Variants in VMP1 observed in about 807,000 individuals in gnomAD.
VMP1 encodes the protein ectopic P-granules autophagy protein 3 homolog.
VMP1 carries 11 observed loss-of-function variants against 56.0 expected under a neutral mutation model. The observed-to-expected ratio is 0.20, with a 90% CI of 0.12 to 0.32. The LOEUF (loss-of-function observed/expected upper bound fraction) is 0.32. Among genes scored for constraint, VMP1 ranks in the 10% least tolerant of loss-of-function variants. VMP1 has a pLI of 1.00. For missense variants in VMP1, 296 were observed against 490.3 expected, an observed-to-expected ratio of 0.60 and a Z score of 3.74; for synonymous variants, 149 against 165.0, an observed-to-expected ratio of 0.90 and a Z score of 0.74.
intron 1 of VMP1, among the ~76,000 whole-genome samples, chr17:59,716,563 C>T (rs553468679): frequency 6.6e-6 from 1 of 152,218 alleles, no homozygotes; most frequent in South Asian, 2.1e-4. Context: ...CTTGGAAAAG[C>T]GAGGTTGAAC....
intron 7 of VMP1, 103 bp downstream of exon 7, chr17:59,773,988 TAA>T (rs199776106): frequency 0.049 from 38,512 of 792,828 alleles, no homozygotes; most frequent in East Asian, 0.066. Flanking sequence ...ACTGCTAAAG[TAA>T]AAAAAAAAAA....
At chr17:59,813,315 C>T (rs2038117128) in intron 9 of VMP1, among the ~76,000 whole-genome samples, 1 of 152,146 alleles carries the variant, frequency 6.6e-6, no homozygotes, top group Non-Finnish European at 1.5e-5. Flanking sequence ...CGGTGGCTCA[C>T]ACCTGTAATC....
intron 7 of VMP1, among the ~76,000 whole-genome samples, chr17:59,774,514 T>G (rs1568123069): frequency 6.6e-6 from 1 of 152,202 alleles, no homozygotes; most frequent in Non-Finnish European, 1.5e-5. Context: ...GTATTCCACA[T>G]AGTGTGCAGA....
At chr17:59,755,232 C>T (rs904286565) in intron 5 of VMP1, among the ~76,000 whole-genome samples, 4 of 151,802 alleles carry the variant, frequency 2.6e-5, no homozygotes, top group African/African-American at 7.3e-5. Flanking sequence ...CTCACCCTCC[C>T]GAATAGTTGG....
At chr17:59,825,014 A>G (rs2038595924) in intron 10 of VMP1, among the ~76,000 whole-genome samples, 1 of 151,620 alleles carries the variant, frequency 6.6e-6, no homozygotes, top group South Asian at 2.1e-4. Context: ...CGAGACCCAA[A>G]GTCAGGTGAT....
chr17:59,742,955 A>G (rs1369237657), intron 5 of VMP1, among the ~76,000 whole-genome samples: 1 of 152,146 alleles, frequency 6.6e-6, no homozygotes, highest in Non-Finnish European at 1.5e-5. Context: ...GGTCTGTGGA[A>G]AACTTGTCTT....
chr17:59,752,344 A>C (rs1003265218), intron 5 of VMP1, among the ~76,000 whole-genome samples: 1 of 152,238 alleles, frequency 6.6e-6, no homozygotes, highest in Non-Finnish European at 1.5e-5. Flanking sequence ...ATTGAATGAC[A>C]GTAGTACACC....
chr17:59,832,662 C>CA (rs2038850620), intron 10 of VMP1, among the ~76,000 whole-genome samples: 4 of 151,698 alleles, frequency 2.6e-5, no homozygotes, highest in Admixed American at 2.6e-4. Context: ...GGCACAATCT[C>CA]GGCTCACTGC....
intron 8 of VMP1, among the ~76,000 whole-genome samples, chr17:59,810,083 A>G (rs1411448155): frequency 6.6e-6 from 1 of 152,198 alleles, no homozygotes; most frequent in Non-Finnish European, 1.5e-5. Flanking sequence ...GGAAGAATTT[A>G]TATAAAACCT....
chr17:59,822,084 C>T (rs753682303), intron 10 of VMP1, among the ~76,000 whole-genome samples: 7 of 151,978 alleles, frequency 4.6e-5, no homozygotes, highest in Non-Finnish European at 1.0e-4. Context: ...TCAGGTGGTC[C>T]GCCCACCTCA....
chr17:59,728,722 A>T (rs2034703327), intron 1 of VMP1, among the ~76,000 whole-genome samples: 1 of 152,112 alleles, frequency 6.6e-6, no homozygotes. Flanking sequence ...CTATGAATAT[A>T]TTATTCATAT....
chr17:59,804,567 A>G (rs1326699260), intron 7 of VMP1, among the ~76,000 whole-genome samples: 1 of 147,028 alleles, frequency 6.8e-6, no homozygotes, highest in Non-Finnish European at 1.5e-5. Flanking sequence ...GTGAGCCAAG[A>G]TCGCACCACT....
chr17:59,717,406 A>G (rs1267536302), intron 1 of VMP1, among the ~76,000 whole-genome samples: 1 of 151,814 alleles, frequency 6.6e-6, no homozygotes, highest in Admixed American at 6.6e-5. Context: ...TTTTGGAGAC[A>G]CACTCTTGCT....
intron 5 of VMP1, among the ~76,000 whole-genome samples, chr17:59,757,286 TA>T (rs2035878573): frequency 6.6e-6 from 1 of 150,974 alleles, no homozygotes; most frequent in Non-Finnish European, 1.5e-5. Context: ...GATAGATAGA[TA>T]GATAGATGTG....
At chr17:59,823,675 C>T (rs1178358451) in intron 10 of VMP1, among the ~76,000 whole-genome samples, 2 of 150,240 alleles carry the variant, frequency 1.3e-5, no homozygotes, top group African/African-American at 2.5e-5. Flanking sequence ...GACGTGAACC[C>T]GGGAGGCGGA....
intron 7 of VMP1, among the ~76,000 whole-genome samples, chr17:59,788,816 A>AAAAAAG (rs1555621999): frequency 1.3e-5 from 2 of 151,820 alleles, no homozygotes; most frequent in African/African-American, 4.8e-5. Flanking sequence ...AAAAAAAAAA[A>AAAAAAG]AAAGAAAGAA....
In VMP1 at chr17:59,830,131, G is replaced by A. The variant is rs2038762521; in HGVS notation, c.975-8164G>A. Among the ~76,000 whole-genome samples the A allele has an allele frequency of 2.6e-5, 4 of 152,096 alleles. No homozygotes were observed. The South Asian group carries it at 6.2e-4, about 24-fold the overall frequency. ...GGCTATCCAGATTTGGTGGGGGCGGGGACAGGGGCTAGCTCTGTTGCCCAG... is the reference window on the plus strand; with the variant it reads ...GGCTATCCAGATTTGGTGGGGGCGGAGACAGGGGCTAGCTCTGTTGCCCAG... On this transcript the variant is annotated intron_variant, in intron 10 of 11. Coordinates refer to ENST00000262291, the MANE Select transcript of VMP1 (RefSeq NM_030938.5).
At chr17:59,816,075 G>T (rs1175026137) in intron 9 of VMP1, among the ~76,000 whole-genome samples, 1 of 152,128 alleles carries the variant, frequency 6.6e-6, no homozygotes, top group Admixed American at 6.6e-5. Context: ...CAGACCTCCT[G>T]CCTGAAAGAC....
chr17:59,761,616 GTC>G, intron 5 of VMP1, among the ~76,000 whole-genome samples: 1 of 152,320 alleles, frequency 6.6e-6, no homozygotes, highest in Admixed American at 6.5e-5. Context: ...TGAATGCTGA[GTC>G]TCTCTACTCT....
Sources: allele counts gnomAD v4.1 joint callset (sites outside exome capture counted in the v4.1 genomes callset), GRCh38; gene constraint gnomAD v4.1.1; transcripts MANE v1.5; gene names NCBI Gene and HGNC (gene_info 2026-07-23, HGNC 2026-07-21).